Variants in DPP6 observed in about 807,000 individuals in gnomAD.
DPP6 encodes dipeptidyl peptidase like 6, also known as A-type potassium channel modulatory protein DPP6.
A neutral mutation model predicts 122.6 loss-of-function variants in DPP6; 69 were observed. The observed-to-expected ratio is 0.56, with a 90% confidence interval of 0.46 to 0.69. The LOEUF (loss-of-function observed/expected upper bound fraction) is 0.69. DPP6 is among the 30% of genes least tolerant of loss of function. The pLI is 0.00. For missense variants in DPP6, 928 were observed against 1,116.9 expected (o/e 0.83, Z 2.41); for synonymous variants, 418 against 433.1 (o/e 0.97, Z 0.43).
intron 10 of DPP6, among the ~76,000 whole-genome samples, chr7:154,779,102 A>T: frequency 6.9e-6 from 1 of 144,328 alleles, no homozygotes. Context: ...TACCACCACC[A>T]CCACCCCCAC....
chr7:154,242,542 A>C (rs2150877831), intron 1 of DPP6, among the ~76,000 whole-genome samples: 1 of 152,354 alleles, frequency 6.6e-6, no homozygotes, highest in East Asian at 1.9e-4. Flanking sequence ...TGTGCATGAC[A>C]AATGTTTTAA....
At chr7:153,878,544 A>G in the DPP6 span, among the ~76,000 whole-genome samples, 8 of 152,214 alleles carry the variant, frequency 5.3e-5, no homozygotes, top group African/African-American at 9.6e-5. Context: ...GATTCCATTT[A>G]TATGGAGTTC....
intron 1 of DPP6, among the ~76,000 whole-genome samples, chr7:154,352,478 TAAAATAAAAATTAAAGAC>T (rs1346719292): frequency 6.6e-6 from 1 of 151,802 alleles, no homozygotes; most frequent in Non-Finnish European, 1.5e-5. Flanking sequence ...AAATAAAAAT[TAAAATAAAAATTAAAGAC>T]AAATTAAAAA....
chr7:154,171,164 T>C (rs538674838), intron 1 of DPP6, among the ~76,000 whole-genome samples: 105 of 152,360 alleles, frequency 6.9e-4, no homozygotes, highest in Admixed American at 3.4e-3. Context: ...CTAACTTCTT[T>C]GGGCTTCCAT....
intron 1 of DPP6, among the ~76,000 whole-genome samples, chr7:154,089,954 A>G (rs1456218839): frequency 3.9e-5 from 6 of 152,218 alleles, no homozygotes; most frequent in Non-Finnish European, 7.3e-5. Context: ...GTTCAAGACC[A>G]TATGTTTTAT....
chr7:153,967,881 G>C (rs1014008224), intron 1 of DPP6, among the ~76,000 whole-genome samples: 1 of 151,864 alleles, frequency 6.6e-6, no homozygotes, highest in African/African-American at 2.4e-5. Context: ...TATCTGTAAA[G>C]GGTATGGTTT....
chr7:154,095,409 G>T (rs1385087997), intron 1 of DPP6: 1 of 141,800 alleles, frequency 7.1e-6, no homozygotes. Flanking sequence ...TTAAAAGAAC[G>T]TTTCCCGCAG....
At chr7:154,251,577 A>G (rs1301090228) in intron 1 of DPP6, among the ~76,000 whole-genome samples, 1 of 152,262 alleles carries the variant, frequency 6.6e-6, no homozygotes, top group Admixed American at 6.5e-5. Flanking sequence ...CAAGGAAGCC[A>G]GTAGTGGCTC....
chr7:154,289,647 C>A (rs998331793), intron 1 of DPP6, among the ~76,000 whole-genome samples: 8 of 152,204 alleles, frequency 5.3e-5, no homozygotes, highest in Admixed American at 5.2e-4. Context: ...GATTCTGCAA[C>A]TCATAAATAA....
At chr7:154,799,273 G>T (rs545263424) in intron 12 of DPP6, among the ~76,000 whole-genome samples, 1 of 152,132 alleles carries the variant, frequency 6.6e-6, no homozygotes, top group Admixed American at 6.5e-5. Context: ...ACGGTCACCC[G>T]CAGAGATTCC....
At chr7:154,325,689 T>C (rs1236693520) in intron 1 of DPP6, among the ~76,000 whole-genome samples, 1 of 152,176 alleles carries the variant, frequency 6.6e-6, no homozygotes, top group Non-Finnish European at 1.5e-5. Context: ...AAACTAAAGA[T>C]TTGGATGGTG....
chr7:154,036,115 T>C (rs1372972981), intron 1 of DPP6, among the ~76,000 whole-genome samples: 2 of 151,832 alleles, frequency 1.3e-5, no homozygotes, highest in Non-Finnish European at 2.9e-5. Flanking sequence ...TGCTTTTCTC[T>C]ACTTTTTTTT....
At chr7:154,623,437 C>A (rs988987677) in intron 5 of DPP6, among the ~76,000 whole-genome samples, 3 of 152,108 alleles carry the variant, frequency 2.0e-5, no homozygotes, top group African/African-American at 4.8e-5. Context: ...ACCTCTTGAT[C>A]CCACCAGGGT....
chr7:153,800,208 A>G, the DPP6 span, among the ~76,000 whole-genome samples: 2 of 152,202 alleles, frequency 1.3e-5, no homozygotes, highest in African/African-American at 4.8e-5. Flanking sequence ...GAGAAATACC[A>G]TATATATACA....
chr7:154,041,476 T>C (rs2129057948), intron 1 of DPP6, among the ~76,000 whole-genome samples: 1 of 152,354 alleles, frequency 6.6e-6, no homozygotes, highest in South Asian at 2.1e-4. Flanking sequence ...ATAAAGCTGA[T>C]AGGATTGGCC....
At chr7:153,918,232 A>C (rs1202327311) in intron 1 of DPP6, among the ~76,000 whole-genome samples, 1 of 152,172 alleles carries the variant, frequency 6.6e-6, no homozygotes, top group Non-Finnish European at 1.5e-5. Flanking sequence ...ACTGCTGTGA[A>C]ACTGGCACTT....
intron 16 of DPP6, among the ~76,000 whole-genome samples, chr7:154,814,840 G>A (rs1486388388): frequency 1.3e-5 from 2 of 152,140 alleles, no homozygotes; most frequent in Non-Finnish European, 2.9e-5. Flanking sequence ...TCATCTTCAT[G>A]TGGTCTTCCC....
chr7:154,305,335 T>TGGGGCG, intron 1 of DPP6: 2 of 1,024,740 alleles, frequency 2.0e-6, no homozygotes, highest in Non-Finnish European at 2.4e-6. Flanking sequence ...TCGTCTTGTC[T>TGGGGCG]ACCCACCCTC....
At chr7:154,160,797 C>T (rs576228553) in intron 1 of DPP6, among the ~76,000 whole-genome samples, 80 of 152,268 alleles carry the variant, frequency 5.3e-4, no homozygotes, top group African/African-American at 1.8e-3. Flanking sequence ...CTAAACCTAC[C>T]TCGTTCTGTC....
Sources: allele counts gnomAD v4.1 joint callset (sites outside exome capture counted in the v4.1 genomes callset), GRCh38; gene constraint gnomAD v4.1.1; transcripts MANE v1.5; gene names NCBI Gene and HGNC (gene_info 2026-07-23, HGNC 2026-07-21).